Variants in CDK19 observed in about 807,000 individuals in gnomAD.
The protein encoded by CDK19 is cyclin dependent kinase 19, also known as cyclin-dependent kinase 19.
Under a neutral mutation model 68.3 loss-of-function variants are expected in CDK19, and 20 were observed. That is an observed-to-expected ratio of 0.29 (90% CI 0.21 to 0.43). CDK19 has a LOEUF of 0.43. Ranked by LOEUF, CDK19 falls within the 20% of genes least tolerant of loss-of-function variation. CDK19 has a pLI of 1.00. For missense variants in CDK19, 339 were observed against 623.5 expected, an observed-to-expected ratio of 0.54 and a Z score of 4.86; for synonymous variants, 221 against 222.8, an observed-to-expected ratio of 0.99 and a Z score of 0.07.
At chr6:110,764,064 G>C (rs932388962) in intron 1 of CDK19, among the ~76,000 whole-genome samples, 28 of 151,980 alleles carry the variant, frequency 1.8e-4, no homozygotes, top group African/African-American at 5.5e-4. Flanking sequence ...ATATATATAA[G>C]GAAAACTTAA....
intron 1 of CDK19, among the ~76,000 whole-genome samples, chr6:110,798,871 G>A (rs1019444537): frequency 4.6e-5 from 7 of 151,812 alleles, no homozygotes; most frequent in East Asian, 1.9e-4. Context: ...AGCCAGGCAC[G>A]GTGGCTCACG....
intron 1 of CDK19, among the ~76,000 whole-genome samples, chr6:110,752,476 TTTC>T (rs1213275859): frequency 1.3e-5 from 2 of 152,178 alleles, no homozygotes; most frequent in African/African-American, 4.8e-5. Context: ...ATTATTTTGT[TTTC>T]TTCTTATTAA....
At chr6:110,786,201 G>C (rs960983849) in intron 1 of CDK19, among the ~76,000 whole-genome samples, 5 of 152,220 alleles carry the variant, frequency 3.3e-5, no homozygotes, top group African/African-American at 1.2e-4. Flanking sequence ...ACATCAATTT[G>C]TTTCCTGACA....
intron 1 of CDK19, chr6:110,813,918 C>G (rs1259152086): frequency 6.6e-6 from 1 of 152,270 alleles, no homozygotes; most frequent in African/African-American, 2.4e-5. Context: ...TCTTTAAAGT[C>G]TATGCTGGAC....
intron 2 of CDK19, among the ~76,000 whole-genome samples, chr6:110,697,507 T>C (rs144486895): frequency 4.6e-5 from 7 of 152,268 alleles, no homozygotes; most frequent in African/African-American, 1.4e-4. Context: ...AAAGAAGTCA[T>C]AGATGACATG....
chr6:110,659,262 T>C (rs1032244247), intron 4 of CDK19, among the ~76,000 whole-genome samples: 2 of 152,378 alleles, frequency 1.3e-5, no homozygotes, highest in East Asian at 1.9e-4. Flanking sequence ...CAGAGATTTC[T>C]AAGCACTTAT....
intron 2 of CDK19, among the ~76,000 whole-genome samples, chr6:110,714,722 C>CTTTTTTTTT (rs112875656): frequency 4.3e-5 from 3 of 69,840 alleles, no homozygotes; most frequent in East Asian, 2.8e-4. Flanking sequence ...AATGTCTTTT[C>CTTTTTTTTT]TTTTTTTTTT....
At chr6:110,745,874 A>G (rs1778040732) in intron 2 of CDK19, among the ~76,000 whole-genome samples, 1 of 152,136 alleles carries the variant, frequency 6.6e-6, no homozygotes, top group Non-Finnish European at 1.5e-5. Flanking sequence ...AGGCTAAGGC[A>G]GGAAGATCGC....
chr6:110,811,165 C>G (rs185552973), intron 1 of CDK19, among the ~76,000 whole-genome samples: 5 of 152,298 alleles, frequency 3.3e-5, no homozygotes, highest in Admixed American at 3.3e-4. Context: ...TCTGATGATA[C>G]TGACAAATCT....
chr6:110,715,295 C>G (rs538011126), intron 2 of CDK19, among the ~76,000 whole-genome samples: 15 of 152,150 alleles, frequency 9.9e-5, no homozygotes, highest in African/African-American at 3.6e-4. Context: ...AAAAAGACAA[C>G]ATTATGCTAA....
chr6:110,668,724 C>A (rs1770736269), intron 3 of CDK19, among the ~76,000 whole-genome samples: 1 of 151,688 alleles, frequency 6.6e-6, no homozygotes, highest in Non-Finnish European at 1.5e-5. Context: ...CCCAGCTACA[C>A]AGGAGGCTGA....
chr6:110,759,428 A>AATATATATATATATATATATATAT (rs34490988), intron 1 of CDK19, among the ~76,000 whole-genome samples: 2 of 50,914 alleles, frequency 3.9e-5, no homozygotes, highest in Admixed American at 3.2e-4. Context: ...AAAAAAAAAA[A>AATATATATATATATATATATATAT]ATATATATAT....
intron 1 of CDK19, among the ~76,000 whole-genome samples, chr6:110,810,886 TA>T (rs1783039421): frequency 6.6e-6 from 1 of 152,146 alleles, no homozygotes; most frequent in Non-Finnish European, 1.5e-5. Context: ...CCCTTTTCCA[TA>T]TTTTTTTTTG....
chr6:110,646,519 C>A (rs1780591561), intron 4 of CDK19: 3 of 1,314,306 alleles, frequency 2.3e-6, no homozygotes, highest in African/African-American at 3.0e-5. Context: ...GGGAAACCGA[C>A]GTGCGCCTCC....
chr6:110,711,244 G>A (rs1774916825), intron 2 of CDK19, among the ~76,000 whole-genome samples: 1 of 152,128 alleles, frequency 6.6e-6, no homozygotes, highest in South Asian at 2.1e-4. Flanking sequence ...GACACTGAAT[G>A]TCAGCTATTT....
intron 1 of CDK19, chr6:110,814,737 G>A (rs1290348500): frequency 4.8e-6 from 3 of 623,078 alleles, no homozygotes; most frequent in African/African-American, 1.8e-5. Flanking sequence ...GAGTCCCCCC[G>A]CCGTCTCCGA....
At chr6:110,758,742 T>A (rs1186107757) in intron 1 of CDK19, among the ~76,000 whole-genome samples, 7 of 152,086 alleles carry the variant, frequency 4.6e-5, no homozygotes, top group Non-Finnish European at 8.8e-5. Context: ...TAAAGGTAAT[T>A]ATATCTAGAA....
At chr6:110,747,478 A>T (rs1583012239) in intron 1 of CDK19, among the ~76,000 whole-genome samples, 1 of 152,240 alleles carries the variant, frequency 6.6e-6, no homozygotes, top group South Asian at 2.1e-4. Context: ...CTAGAAGGTC[A>T]TTAGAAACAT....
At chr6:110,745,887 G>C (rs1778041934) in intron 2 of CDK19, among the ~76,000 whole-genome samples, 1 of 152,118 alleles carries the variant, frequency 6.6e-6, no homozygotes, top group Admixed American at 6.6e-5. Context: ...AAGATCGCTT[G>C]AGCCTAGGAG....
Sources: gnomAD v4.1 joint callset for allele counts (sites outside exome capture counted in the v4.1 genomes callset) on GRCh38, gnomAD v4.1.1 for gene constraint, MANE v1.5 for transcripts, NCBI Gene and HGNC (gene_info 2026-07-23, HGNC 2026-07-21) for gene names.